Variants in NTNG1 observed in about 807,000 individuals in gnomAD.
The protein encoded by NTNG1 is netrin G1.
Under a neutral mutation model 54.0 loss-of-function variants are expected in NTNG1, and 16 were observed. The ratio of observed to expected loss-of-function variants is 0.30; its 90% confidence interval spans 0.20 to 0.45. The LOEUF is 0.45. NTNG1 is among the 20% of genes least tolerant of loss of function. The pLI is 1.00. For missense variants in NTNG1, 530 were observed against 678.7 expected (o/e 0.78, Z 2.43); for synonymous variants, 255 against 263.1 (o/e 0.97, Z 0.30).
intron 2 of NTNG1, among the ~76,000 whole-genome samples, chr1:107,255,659 T>C (rs1662888977): frequency 6.6e-6 from 1 of 152,218 alleles, no homozygotes; most frequent in Non-Finnish European, 1.5e-5. Context: ...TTCAAGTTTT[T>C]CAACTTACCA....
In NTNG1 at chr1:107,159,869, G is replaced by A. The variant is rs769114847; in HGVS notation, c.246+11030G>A. ...TCAGGGATAAGAGAACTGATCAACA[G>A]TGTTTGTTTCCATTCTTGCTTTCTT... On this transcript the variant is annotated intron_variant, in intron 2 of 7. Coordinates refer to ENST00000370068, the MANE Select transcript of NTNG1 (RefSeq NM_001113226.3). Among the ~76,000 whole-genome samples the A allele has an allele frequency of 1.6e-4, 24 of 152,292 alleles. No homozygotes were observed. In the Middle Eastern group the frequency reaches 0.014, roughly 86 times the overall value.
chr1:107,456,048 C>G (rs1345412150), intron 7 of NTNG1, among the ~76,000 whole-genome samples: 1 of 152,118 alleles, frequency 6.6e-6, no homozygotes, highest in African/African-American at 2.4e-5. Flanking sequence ...TTCCCCAGGT[C>G]ATAACACAGT....
chr1:107,282,306 G>T (rs17018701), intron 2 of NTNG1, among the ~76,000 whole-genome samples: 6,333 of 152,078 alleles, frequency 0.042, 160 homozygotes, highest in Middle Eastern at 0.068. Context: ...TTCTCCCTAC[G>T]AACCTTCATC....
rs199931875 is a variant in NTNG1 at position 107,334,614 on chromosome 1, G to GA, written c.887+9702dup. ...TTGCAAAATCATTTCTTTTAGAACT[G>GA]AAAAAAAAAACATAAAAATAATTTA... On this transcript the variant is annotated intron_variant, in intron 3 of 7. Coordinates refer to ENST00000370068, the MANE Select transcript of NTNG1 (RefSeq NM_001113226.3). Among the ~76,000 whole-genome samples, 325 of 145,174 alleles carry GA rather than the reference G, an allele frequency of 2.2e-3. 2 individuals are homozygous for GA. The highest frequency in any genetic ancestry group is 6.7e-3 in the African/African-American group (266 of 39,700).
chr1:107,231,593 C>G (rs1352688213), intron 2 of NTNG1, among the ~76,000 whole-genome samples: 2 of 151,858 alleles, frequency 1.3e-5, no homozygotes, highest in East Asian at 3.8e-4. Context: ...AAATTAATTA[C>G]AATTCTGAGA....
chr1:107,318,797 A>G (rs1479357420), intron 2 of NTNG1, among the ~76,000 whole-genome samples: 1 of 152,128 alleles, frequency 6.6e-6, no homozygotes, highest in Non-Finnish European at 1.5e-5. Flanking sequence ...TGCATACCAC[A>G]TGTTGGTACC....
intron 3 of NTNG1, among the ~76,000 whole-genome samples, chr1:107,338,039 A>G (rs1668691038): frequency 6.6e-6 from 1 of 152,008 alleles, no homozygotes; most frequent in Admixed American, 6.6e-5. Context: ...TACTGTAGGT[A>G]AGCAATTGGA....
At chr1:107,429,446 A>T (rs1675115982) in intron 5 of NTNG1, among the ~76,000 whole-genome samples, 1 of 152,136 alleles carries the variant, frequency 6.6e-6, no homozygotes, top group African/African-American at 2.4e-5. Flanking sequence ...TAATATTTGA[A>T]AAATTTTATA....
intron 2 of NTNG1, among the ~76,000 whole-genome samples, chr1:107,158,038 G>A (rs1249201994): frequency 6.6e-6 from 1 of 152,058 alleles, no homozygotes; most frequent in Non-Finnish European, 1.5e-5. Flanking sequence ...TCTGTCTTTT[G>A]TTCCTATTAT....
intron 2 of NTNG1, among the ~76,000 whole-genome samples, chr1:107,234,806 T>G (rs1661301861): frequency 6.6e-6 from 1 of 152,204 alleles, no homozygotes; most frequent in South Asian, 2.1e-4. Flanking sequence ...TGTGGGGATG[T>G]GCTGCTATTG....
chr1:107,471,347 C>A (rs1307570805), intron 7 of NTNG1, among the ~76,000 whole-genome samples: 1 of 152,192 alleles, frequency 6.6e-6, no homozygotes, highest in Non-Finnish European at 1.5e-5. Flanking sequence ...TGCATACAGA[C>A]AAACTTGAGT....
intron 2 of NTNG1, among the ~76,000 whole-genome samples, chr1:107,221,549 G>A (rs1370341653): frequency 6.6e-6 from 1 of 152,134 alleles, no homozygotes; most frequent in East Asian, 1.9e-4. Flanking sequence ...GTCAGGAAAG[G>A]CTTTCTAGGT....
At position 107,259,703 on chromosome 1, in the gene NTNG1, A is replaced by G. The variant is rs535516337; in HGVS notation, c.247-64579A>G. 3.3e-5 allele frequency among the ~76,000 whole-genome samples: 5 copies of G among 152,286 alleles called. No individual in the cohort carries two copies. The South Asian group carries it at 8.3e-4, about 25-fold the overall frequency. Reference sequence around the variant, plus strand: ...TCCTCCCCCGCAAGATAAAATCTCCATCTTACTATTTGCTTTGTTCAAATA... The same window carrying G: ...TCCTCCCCCGCAAGATAAAATCTCCGTCTTACTATTTGCTTTGTTCAAATA... On this transcript the variant is annotated intron_variant, in intron 2 of 7. Coordinates refer to ENST00000370068, the MANE Select transcript of NTNG1 (RefSeq NM_001113226.3).
intron 4 of NTNG1, among the ~76,000 whole-genome samples, chr1:107,401,094 TCAATCTCCTA>T (rs925960601): frequency 1.3e-5 from 2 of 152,170 alleles, no homozygotes; most frequent in African/African-American, 4.8e-5. Context: ...ACAAGAGCCT[TCAATCTCCTA>T]CAGGAGAGAC....
chr1:107,333,317 A>C (rs1352711019), intron 3 of NTNG1, among the ~76,000 whole-genome samples: 1 of 152,050 alleles, frequency 6.6e-6, no homozygotes, highest in Non-Finnish European at 1.5e-5. Context: ...GAGTCTCCTC[A>C]TCTACAAAAT....
At chr1:107,472,005 T>C (rs1449940921) in intron 7 of NTNG1, among the ~76,000 whole-genome samples, 4 of 152,158 alleles carry the variant, frequency 2.6e-5, no homozygotes, top group Admixed American at 2.6e-4. Flanking sequence ...GGTGGGTAAA[T>C]AGGACAAGTG....
At chr1:107,380,639 G>T (rs1671585869) in intron 3 of NTNG1, among the ~76,000 whole-genome samples, 1 of 152,102 alleles carries the variant, frequency 6.6e-6, no homozygotes, top group African/African-American at 2.4e-5. Flanking sequence ...TCTGATCCTG[G>T]TTTTCATATT....
chr1:107,290,961 TATTATA>T (rs1389367413), intron 2 of NTNG1, among the ~76,000 whole-genome samples: 4 of 123,350 alleles, frequency 3.2e-5, no homozygotes, highest in Non-Finnish European at 6.4e-5. Flanking sequence ...CATATATATA[TATTATA>T]TATATATATA....
At chr1:107,289,592 C>T (rs1665450519) in intron 2 of NTNG1, among the ~76,000 whole-genome samples, 1 of 152,082 alleles carries the variant, frequency 6.6e-6, no homozygotes, top group Admixed American at 6.6e-5. Context: ...TTCATTATAA[C>T]AGTCTTTCTT....
Sources: gnomAD v4.1 joint callset for allele counts (sites outside exome capture counted in the v4.1 genomes callset) on GRCh38, gnomAD v4.1.1 for gene constraint, MANE v1.5 for transcripts, NCBI Gene and HGNC (gene_info 2026-07-23, HGNC 2026-07-21) for gene names.